CDKAL1: variants seen among roughly 807,000 people sequenced by gnomAD.
CDKAL1 encodes the protein CDKAL1 threonylcarbamoyladenosine tRNA methylthiotransferase.
In CDKAL1, 32 loss-of-function variants were observed where a neutral mutation model predicts 68.2. That is an observed-to-expected ratio of 0.47 (90% CI 0.35 to 0.63). The LOEUF (loss-of-function observed/expected upper bound fraction) is 0.63, where lower values mean the gene tolerates loss of function less well. Among genes scored for constraint, CDKAL1 ranks in the 30% least tolerant of loss-of-function variants. CDKAL1 has a pLI of 0.00. For missense variants in CDKAL1, 606 were observed against 696.7 expected (o/e 0.87, Z 1.47); for synonymous variants, 234 against 244.3 (o/e 0.96, Z 0.39).
At position 20,941,828 on chromosome 6, in the gene CDKAL1, G is replaced by A. The variant is rs777869165; in HGVS notation, c.743-13591G>A. On this transcript the variant is annotated intron_variant, in intron 9 of 15. Transcript: ENST00000274695. Reference sequence around the variant, plus strand: ...TGGTTTATTGTTTTCGTCAGTGCTAGCAACTAAGTATGTTTTACCTTTTTG... The same window carrying A: ...TGGTTTATTGTTTTCGTCAGTGCTAACAACTAAGTATGTTTTACCTTTTTG... Among the ~76,000 whole-genome samples, 8 of 152,320 alleles carry A rather than the reference G, an allele frequency of 5.3e-5. No homozygotes were observed. In the South Asian group the frequency reaches 8.3e-4, roughly 16 times the overall value.
intron 4 of CDKAL1, among the ~76,000 whole-genome samples, chr6:20,551,996 T>C (rs1014980519): frequency 3.4e-5 from 5 of 145,384 alleles, no homozygotes; most frequent in African/African-American, 1.3e-4. Context: ...CCCAAGTAGC[T>C]GGGACTACAG....
chr6:20,629,120 G>C (rs1456197890), intron 4 of CDKAL1, among the ~76,000 whole-genome samples: 2 of 152,128 alleles, frequency 1.3e-5, no homozygotes. Context: ...CTTTAATCTG[G>C]ACTAGTTTCT....
At chr6:20,813,111 T>C (rs888770374) in intron 8 of CDKAL1, among the ~76,000 whole-genome samples, 2 of 152,168 alleles carry the variant, frequency 1.3e-5, no homozygotes, top group African/African-American at 4.8e-5. Flanking sequence ...TCTCCTTGTC[T>C]GTCTCTGTCT....
chr6:21,212,111 A>G lies in CDKAL1; in HGVS notation c.1548+10837A>G, dbSNP rs560845672. On this transcript the variant is annotated intron_variant, in intron 15 of 15. Transcript: ENST00000274695. Reference sequence around the variant, plus strand: ...AGCATAGTATAGTGAAAGTTTCTATATGAGGGAAAGCCCATGAAAGCAGGC... The same window carrying G: ...AGCATAGTATAGTGAAAGTTTCTATGTGAGGGAAAGCCCATGAAAGCAGGC... Among the ~76,000 whole-genome samples the G allele has an allele frequency of 2.0e-5, 3 of 152,182 alleles. No individual in the cohort carries two copies. In the East Asian group the frequency reaches 5.8e-4, roughly 29 times the overall value.
chr6:21,195,471 TG>T (rs1387405477), intron 13 of CDKAL1, among the ~76,000 whole-genome samples: 2 of 129,260 alleles, frequency 1.5e-5, no homozygotes, highest in African/African-American at 5.8e-5. Context: ...CCTCTGGAGA[TG>T]TTTTTTTTAT....
At chr6:20,881,123 G>A (rs549119170) in intron 9 of CDKAL1, among the ~76,000 whole-genome samples, 5 of 152,290 alleles carry the variant, frequency 3.3e-5, no homozygotes, top group African/African-American at 1.2e-4. Flanking sequence ...AACAGCATTG[G>A]CATCTTGGTT....
chr6:20,916,358 A>G (rs1470773818), intron 9 of CDKAL1, among the ~76,000 whole-genome samples: 12 of 152,364 alleles, frequency 7.9e-5, no homozygotes, highest in Non-Finnish European at 1.5e-4. Context: ...TCTGTGAGTC[A>G]GACTAATTCG....
intron 5 of CDKAL1, among the ~76,000 whole-genome samples, chr6:20,685,876 A>G (rs977231750): frequency 3.3e-5 from 5 of 152,180 alleles, no homozygotes; most frequent in Admixed American, 2.0e-4. Flanking sequence ...GGCATGAGCC[A>G]TCAAGCCTGG....
chr6:21,047,390 AT>A (rs1432266842), intron 11 of CDKAL1, among the ~76,000 whole-genome samples: 1 of 152,254 alleles, frequency 6.6e-6, no homozygotes, highest in Admixed American at 6.5e-5. Flanking sequence ...ATCTCCACTT[AT>A]TCCTTTCCCA....
At chr6:21,163,168 C>T (rs1171035425) in intron 13 of CDKAL1, among the ~76,000 whole-genome samples, 1 of 152,200 alleles carries the variant, frequency 6.6e-6, no homozygotes, top group Non-Finnish European at 1.5e-5. Context: ...TTTGCCTCCT[C>T]CTCACTGCCA....
chr6:20,657,949 CT>C lies in CDKAL1; in HGVS notation c.371+8573del, dbSNP rs200279599. 1.6e-3 allele frequency among the ~76,000 whole-genome samples: 238 copies of C among 152,214 alleles called. No individual in the cohort carries two copies. The East Asian group carries it at 0.022, about 14-fold the overall frequency. On this transcript the variant is annotated intron_variant, in intron 5 of 15. Coordinates refer to ENST00000274695, the MANE Select transcript of CDKAL1 (RefSeq NM_017774.3). ...TCCTCTTGAGCATTTGTCAGTTGCC[CT>C]GGCTTTGTTTTATCCATTAGACCAT... is the stretch of plus-strand genomic sequence containing the variant.
At chr6:20,998,865 A>G (rs1211131086) in intron 10 of CDKAL1, among the ~76,000 whole-genome samples, 1 of 152,176 alleles carries the variant, frequency 6.6e-6, no homozygotes, top group Non-Finnish European at 1.5e-5. Flanking sequence ...ATTTTAAACA[A>G]CCGCTGCTAA....
At chr6:20,996,546 G>A (rs545612469) in intron 10 of CDKAL1, among the ~76,000 whole-genome samples, 1 of 152,330 alleles carries the variant, frequency 6.6e-6, no homozygotes, top group Admixed American at 6.5e-5. Flanking sequence ...TGGAAGAGCA[G>A]TCAGAACACA....
chr6:20,994,515 A>G (rs1030328995), intron 10 of CDKAL1, among the ~76,000 whole-genome samples: 18 of 152,190 alleles, frequency 1.2e-4, no homozygotes, highest in African/African-American at 3.9e-4. Context: ...TGTGGTTTCA[A>G]TCTCAAGCTT....
intron 15 of CDKAL1, among the ~76,000 whole-genome samples, chr6:21,217,185 T>C (rs6456403): frequency 0.59 from 89,431 of 151,834 alleles, 27,132 homozygotes; most frequent in African/African-American, 0.74. Context: ...TATACACACA[T>C]ATATATATAT....
intron 11 of CDKAL1, among the ~76,000 whole-genome samples, chr6:21,041,533 TA>T (rs1237812870): frequency 6.6e-6 from 1 of 151,606 alleles, no homozygotes; most frequent in Non-Finnish European, 1.5e-5. Flanking sequence ...TTCAATGTAA[TA>T]AAATACAGTT....
intron 9 of CDKAL1, among the ~76,000 whole-genome samples, chr6:20,846,534 C>A (rs527858130): frequency 6.6e-6 from 1 of 152,278 alleles, no homozygotes; most frequent in South Asian, 2.1e-4. Context: ...TCAGATTTTT[C>A]ATCTCTTTCT....
chr6:21,076,140 C>T (rs537254146), intron 12 of CDKAL1, among the ~76,000 whole-genome samples: 1 of 152,242 alleles, frequency 6.6e-6, no homozygotes, highest in South Asian at 2.1e-4. Flanking sequence ...GCTGGAGGGA[C>T]ATTCTTGTGG....
intron 8 of CDKAL1, among the ~76,000 whole-genome samples, chr6:20,833,965 A>T (rs1342280139): frequency 6.6e-6 from 1 of 152,164 alleles, no homozygotes; most frequent in Admixed American, 6.5e-5. Context: ...GTCAGCACAG[A>T]CTTCCTGAAT....
Sources: gnomAD v4.1 joint callset for allele counts (sites outside exome capture counted in the v4.1 genomes callset) on GRCh38, gnomAD v4.1.1 for gene constraint, MANE v1.5 for transcripts, NCBI Gene and HGNC (gene_info 2026-07-23, HGNC 2026-07-21) for gene names.